The following CACNG5 variants were observed in gnomAD, a reference collection of about 807,000 sequenced individuals.
The protein encoded by CACNG5 is voltage-dependent calcium channel gamma-5 subunit.
A neutral mutation model predicts 24.8 loss-of-function variants in CACNG5; 18 were observed. That is an observed-to-expected ratio of 0.73 (90% CI 0.50 to 1.08). CACNG5 has a LOEUF of 1.08. Ranked by LOEUF, CACNG5 falls within the 50% of genes least tolerant of loss-of-function variation. The pLI is 0.00. For missense variants in CACNG5, 349 were observed against 367.9 expected (o/e 0.95, Z 0.42); for synonymous variants, 157 against 149.1 (o/e 1.05, Z -0.39).
At position 66,884,548 on chromosome 17, in the gene CACNG5, A is replaced by G; in HGVS notation, c.457A>G (p.Ile153Val). ...TCTCGTGGTGGGCCTGGTGCTCTAC[A>G]TCTCCAGCATCAACGATGAGATGCT... ...LSLVVGLVLY[I>V]SSINDEMLNR... is the part of the protein sequence containing the mutation. Residue 153 changes from isoleucine (I) to valine (V), a missense_variant, in exon 5 of 6, where the codon ATC becomes GTC. Coordinates refer to ENST00000533854, the MANE Select transcript of CACNG5 (RefSeq NM_145811.3). The G allele has an allele frequency of 1.9e-6, 3 of 1,613,664 alleles. No homozygotes were observed. The highest frequency in any genetic ancestry group is 2.5e-6 in the Non-Finnish European group (3 of 1,179,844).
chr17:66,880,666 C>T lies in CACNG5; in HGVS notation c.393C>T (p.Ala131=), dbSNP rs1977146725. The T allele has an allele frequency of 1.2e-6, 2 of 1,614,116 alleles. No homozygotes were observed. Among genetic ancestry groups the T allele is most frequent in the Non-Finnish European group, 1.7e-6 (2 of 1,180,038 alleles). ...GHIRPHRTIL[A]FVSGIFFILS... ...TCCGTCCCCACCGGACGATACTGGC[C>T]TTTGTCTCTGGCATCTTCTTTATCC... The change falls in exon 4 of 6, where the codon GCC becomes GCT. Residue 131 remains alanine (A), a synonymous_variant. Transcript: ENST00000533854.
At chr17:66,880,460 C>A in intron 3 of CACNG5, 97 bp from the exon 4 acceptor site, 1 of 1,480,594 alleles carries the variant, frequency 6.8e-7, no homozygotes. Flanking sequence ...GCTTTGAGGA[C>A]CAGTTGGTAG....
Position 66,892,934 on chromosome 17 carries a change from C to T in CACNG5, c.*7694C>T, listed in dbSNP as rs1277604135. Among the ~76,000 whole-genome samples, 1 of 152,170 alleles carries T rather than the reference C, an allele frequency of 6.6e-6. No individual in the cohort carries two copies. The highest frequency in any genetic ancestry group is 1.5e-5 in the Non-Finnish European group (1 of 68,026). ...CCCAGGCACAGTCTCTTGCAAATGT[C>T]GATTCAGATACTACGACTTCAGCTT... On this transcript the variant is annotated 3_prime_UTR_variant, in exon 6 of 6. Transcript: ENST00000533854.
chr17:66,886,741 C>G lies in CACNG5; in HGVS notation c.*1501C>G, dbSNP rs1977266984. The stretch of plus-strand genomic sequence containing the variant: ...CTTGGAGAGGCGGTGTGTCAGGCAG[C>G]CGGGCTGCCGCAATGAACTACCACA... On this transcript the variant is annotated 3_prime_UTR_variant, in exon 6 of 6. Coordinates refer to ENST00000533854, the MANE Select transcript of CACNG5 (RefSeq NM_145811.3). Among the ~76,000 whole-genome samples, 1 of 152,168 alleles carries G rather than the reference C, an allele frequency of 6.6e-6. No homozygotes were observed. Among genetic ancestry groups the G allele is most frequent in the Non-Finnish European group, 1.5e-5 (1 of 68,024 alleles).
At chr17:66,844,690 T>C (rs1976612844) in intron 1 of CACNG5, among the ~76,000 whole-genome samples, 1 of 152,184 alleles carries the variant, frequency 6.6e-6, no homozygotes, top group African/African-American at 2.4e-5. Flanking sequence ...ATGGCTATGA[T>C]GATGACAAGT....
At position 66,894,611 on chromosome 17, in the gene CACNG5, AT is replaced by A. The variant is rs1162726385; in HGVS notation, c.*9379del. 2.0e-5 allele frequency among the ~76,000 whole-genome samples: 3 copies of A among 150,980 alleles called. No individual in the cohort carries two copies. The highest frequency in any genetic ancestry group is 1.9e-4 in the East Asian group (1 of 5,138). ...CTCTTGATTTTTTATTCATTCATTC[AT>A]TTTTTTTCCTTCCCCCTCCACCCCA... On this transcript the variant is annotated 3_prime_UTR_variant, in exon 6 of 6. Coordinates refer to ENST00000533854, the MANE Select transcript of CACNG5 (RefSeq NM_145811.3).
chr17:66,879,760 G>A (rs1453185505), intron 3 of CACNG5, among the ~76,000 whole-genome samples: 4 of 152,116 alleles, frequency 2.6e-5, no homozygotes, highest in African/African-American at 9.7e-5. Flanking sequence ...CATCAACCAG[G>A]AAGCTCAACT....
At chr17:66,882,493 T>C (rs1232292755) in intron 4 of CACNG5, among the ~76,000 whole-genome samples, 1 of 152,166 alleles carries the variant, frequency 6.6e-6, no homozygotes, top group Non-Finnish European at 1.5e-5. Context: ...TGGATGAGAT[T>C]ACTCATGGCT....
intron 1 of CACNG5, among the ~76,000 whole-genome samples, chr17:66,874,827 T>TA (rs1223899114): frequency 6.6e-6 from 1 of 152,202 alleles, no homozygotes; most frequent in East Asian, 1.9e-4. Context: ...TTGGGAGCCA[T>TA]ATCCCTTTGT....
At position 66,885,001 on chromosome 17, in the gene CACNG5, G is replaced by A. The variant is rs1977234027; in HGVS notation, c.589G>A (p.Val197Met). The change falls in exon 6 of 6, where the codon GTG becomes ATG. Residue 197 changes from valine to methionine, a missense_variant. Physicochemically the swap from Val to Met is conservative, Grantham distance 21. Coordinates refer to ENST00000533854, the MANE Select transcript of CACNG5 (RefSeq NM_145811.3). Reference sequence around the variant, plus strand: ...CCTGTAGAGTGCCGGGGTGATGTCTGTGTACCTGTTTATGAAGCGGTACAC... The same window carrying A: ...CCTGTAGAGTGCCGGGGTGATGTCTATGTACCTGTTTATGAAGCGGTACAC... ...LLTESAGVMS[V>M]YLFMKRYTAE... is the part of the protein sequence containing the mutation. 1 of 1,614,028 alleles carries A rather than the reference G, an allele frequency of 6.2e-7. No individual in the cohort carries two copies. Among genetic ancestry groups the A allele is most frequent in the Non-Finnish European group, 8.5e-7 (1 of 1,180,018 alleles).
chr17:66,836,387 C>T (rs1310305621), intron 1 of CACNG5, among the ~76,000 whole-genome samples: 1 of 152,214 alleles, frequency 6.6e-6, no homozygotes, highest in Non-Finnish European at 1.5e-5. Context: ...TTTCCACAAA[C>T]CTGAAGTCTT....
Position 66,856,734 on chromosome 17 carries a change from G to T in CACNG5, c.-103-20496G>T, listed in dbSNP as rs141005844. Among the ~76,000 whole-genome samples, 4 of 151,910 alleles carry T rather than the reference G, an allele frequency of 2.6e-5. No homozygotes were observed. In the South Asian group the frequency reaches 6.2e-4, roughly 24 times the overall value. Reference sequence around the variant, plus strand: ...TTTTTTGTATTTTTAGTAGAGACAGGGTTTCACCATGTTGGCCAGGCTGGT... The same window carrying T: ...TTTTTTGTATTTTTAGTAGAGACAGTGTTTCACCATGTTGGCCAGGCTGGT... On this transcript the variant is annotated intron_variant, in intron 1 of 5. Coordinates refer to ENST00000533854, the MANE Select transcript of CACNG5 (RefSeq NM_145811.3).
chr17:66,873,189 G>A (rs1598058616), intron 1 of CACNG5, among the ~76,000 whole-genome samples: 1 of 152,138 alleles, frequency 6.6e-6, no homozygotes, highest in East Asian at 1.9e-4. Context: ...TTTGCACAGT[G>A]CCTGGGAGCT....
intron 1 of CACNG5, among the ~76,000 whole-genome samples, chr17:66,849,481 G>A (rs1452109895): frequency 2.0e-5 from 3 of 152,186 alleles, no homozygotes; most frequent in Admixed American, 1.3e-4. Flanking sequence ...CACTCAGGGT[G>A]CCCAACCCTG....
intron 1 of CACNG5, among the ~76,000 whole-genome samples, chr17:66,845,120 G>C (rs1230427870): frequency 2.6e-5 from 4 of 152,184 alleles, no homozygotes; most frequent in Non-Finnish European, 4.4e-5. Flanking sequence ...GCCATAAAAA[G>C]AATGAGTTCA....
intron 1 of CACNG5, among the ~76,000 whole-genome samples, chr17:66,843,649 AG>A (rs1328670228): frequency 5.3e-5 from 8 of 152,018 alleles, no homozygotes; most frequent in Non-Finnish European, 7.4e-5. Flanking sequence ...AGGATGCTGC[AG>A]GGGGGTGGTC....
In CACNG5 at chr17:66,887,467, T is replaced by A. The variant is rs931786981; in HGVS notation, c.*2227T>A. On this transcript the variant is annotated 3_prime_UTR_variant, in exon 6 of 6. Transcript: ENST00000533854. ...GACTGTTGTATTCTTCAGTTACTGT[T>A]TACAGAATAATACCAAAACCATGTT... 1.3e-5 allele frequency among the ~76,000 whole-genome samples: 2 copies of A among 152,202 alleles called. No individual in the cohort carries two copies. The highest frequency in any genetic ancestry group is 2.9e-5 in the Non-Finnish European group (2 of 68,036).
intron 1 of CACNG5, among the ~76,000 whole-genome samples, chr17:66,849,595 G>T (rs1483055177): frequency 6.6e-6 from 1 of 152,176 alleles, no homozygotes; most frequent in Non-Finnish European, 1.5e-5. Flanking sequence ...GAACACAGGT[G>T]GGGGACCACA....
At chr17:66,862,591 G>C (rs3848411) in intron 1 of CACNG5, among the ~76,000 whole-genome samples, 89,661 of 151,814 alleles carry the variant, frequency 0.59, 26,932 homozygotes, top group East Asian at 0.88. Flanking sequence ...ATGGAACTTC[G>C]TCATATGTAA....
Sources: allele counts gnomAD v4.1 joint callset (sites outside exome capture counted in the v4.1 genomes callset), GRCh38; gene constraint gnomAD v4.1.1; transcripts MANE v1.5; gene names NCBI Gene and HGNC (gene_info 2026-07-23, HGNC 2026-07-21).